C19orf33: variants seen among roughly 807,000 people sequenced by gnomAD.
C19orf33 encodes chromosome 19 open reading frame 33.
Under a neutral mutation model 9.7 loss-of-function variants are expected in C19orf33, and 9 were observed. The observed-to-expected ratio is 0.93, with a 90% CI of 0.56 to 1.61. The LOEUF is 1.61. Ranked by LOEUF, C19orf33 falls within the 40% of genes most tolerant of loss-of-function variation. The pLI is 0.00. For missense variants in C19orf33, 145 were observed against 137.9 expected (o/e 1.05, Z -0.26); for synonymous variants, 61 against 54.8 (o/e 1.11, Z -0.50).
In C19orf33 at chr19:38,304,665, C is replaced by A; in HGVS notation, c.180C>A (p.Ser60Arg). Residue 60 changes from serine to arginine, a missense_variant, in exon 3 of 4, where the codon AGC (serine) becomes AGA (arginine). Ser to Arg is a moderately radical substitution (Grantham distance 110, BLOSUM62 -1). Transcript: ENST00000301246. ...CTTCCGACTCCAGCAGCAGCTCCAG[C>A]GATTCGGACACGGATGTGAAGGTAA... The part of the protein sequence containing the change: ...HSSSDSSSSS[S>R]DSDTDVKSHA... The A allele has an allele frequency of 6.2e-7, 1 of 1,613,674 alleles. No individual in the cohort carries two copies.
At chr19:38,304,548 C>A in intron 2 of C19orf33, 58 bp downstream of exon 2, 2 of 1,592,956 alleles carry the variant, frequency 1.3e-6, no homozygotes, top group Non-Finnish European at 1.7e-6. Context: ...GCCCCTGACC[C>A]CAGGGTCCTG....
Position 38,304,386 on chromosome 19 carries a change from A to G in C19orf33, c.34A>G (p.Thr12Ala), listed in dbSNP as rs1259333355. The G allele has an allele frequency of 1.3e-6, 2 of 1,580,214 alleles. No individual in the cohort carries two copies. Among genetic ancestry groups the G allele is most frequent in the Admixed American group, 1.9e-5 (1 of 53,348 alleles). The change falls in exon 2 of 4, where the codon ACC (threonine) becomes GCC (alanine). Residue 12 changes from threonine to alanine, a missense_variant. Physicochemically the swap from Thr to Ala is moderately conservative, Grantham distance 58 (BLOSUM62 0). Transcript: ENST00000301246. Reference protein sequence around the residue: ...EFDLGAALEPTSQKPGVGAGH... With the variant: ...EFDLGAALEPASQKPGVGAGH... Reference sequence around the variant, plus strand: ...ACTTCTCTCCACAGCCCTGGAGCCCACCTCCCAGAAGCCCGGTGTGGGGGC... The same window carrying G: ...ACTTCTCTCCACAGCCCTGGAGCCCGCCTCCCAGAAGCCCGGTGTGGGGGC...
At chr19:38,304,585 G>A in intron 2 of C19orf33, 39 bp from the exon 3 acceptor site, 1 of 1,612,034 alleles carries the variant, frequency 6.2e-7, no homozygotes, top group East Asian at 2.2e-5. Flanking sequence ...TCAGGGGGCT[G>A]GGTAAGGGGC....
intron 3 of C19orf33, 51 bp from the exon 4 acceptor site, chr19:38,304,794 T>G: frequency 1.2e-6 from 2 of 1,613,112 alleles, no homozygotes; most frequent in Non-Finnish European, 1.7e-6. Flanking sequence ...CCTGTCTCGC[T>G]TCCAGCCCAG....
At chr19:38,304,353 A>G in intron 1 of C19orf33, 22 bp from the exon 2 acceptor site, 1 of 1,606,484 alleles carries the variant, frequency 6.2e-7, no homozygotes, top group Non-Finnish European at 8.5e-7. Context: ...GCCTGCACCA[A>G]CCACCCAACT....
Position 38,304,676 on chromosome 19 carries a change from CG to C in C19orf33, c.193del (p.Asp65MetfsTer2), listed in dbSNP as rs758405299. On this transcript the variant is annotated frameshift_variant, in exon 3 of 4. Coordinates refer to ENST00000301246, the MANE Select transcript of C19orf33 (RefSeq NM_033520.3). LOFTEE classifies it low-confidence loss of function (END_TRUNC). The stretch of plus-strand genomic sequence containing the variant: ...AGCAGCAGCTCCAGCGATTCGGACA[CG>C]GATGTGAAGGTAAGGGGCTCTCGCC... ...DSSSSSSDSD[T>X]DVKSHAAGSK... 4 of 1,613,662 alleles carry C rather than the reference CG, an allele frequency of 2.5e-6. No individual in the cohort carries two copies. The East Asian group carries it at 8.9e-5, about 36-fold the overall frequency.
In C19orf33 at chr19:38,304,466, G is replaced by C. The variant is rs375165148; in HGVS notation, c.114G>C (p.Glu38Asp). The C allele has an allele frequency of 3.1e-5, 48 of 1,555,580 alleles. No homozygotes were observed. The highest frequency in any genetic ancestry group is 3.4e-5 in the Non-Finnish European group (39 of 1,150,106). Residue 38 changes from glutamate to aspartate, a missense_variant, in exon 2 of 4, where the codon GAG (glutamate) becomes GAC (aspartate). Glu to Asp is a conservative substitution (Grantham distance 45). Transcript: ENST00000301246. ...CCCACAAAGTTCAGGGCCGGTCGGA[G>C]GCAGGGGCAGGTCCGGGTCCAAAGG... The part of the protein sequence containing the change: ...LSPHKVQGRS[E>D]AGAGPGPKQG...
chr19:38,304,919 G>A lies in C19orf33; in HGVS notation c.276G>A (p.Glu92=). 1.9e-6 allele frequency: 3 copies of A among 1,612,386 alleles called. No homozygotes were observed. The South Asian group carries it at 3.3e-5, about 18-fold the overall frequency. ...KAKKPKVKKK[E]KGKKEKGKKK... is the part of the protein sequence containing the mutation. ...AGAAGCCCAAAGTGAAGAAGAAGGA[G>A]AAGGGCAAGAAGGAGAAGGGCAAGA... The change falls in exon 4 of 4, where the codon GAG becomes GAA. Residue 92 remains glutamate, a synonymous_variant. Transcript: ENST00000301246.
At chr19:38,304,578 G>T in intron 2 of C19orf33, 46 bp from the exon 3 acceptor site, 1 of 1,611,088 alleles carries the variant, frequency 6.2e-7, no homozygotes, top group Non-Finnish European at 8.5e-7. Flanking sequence ...TCCAACTTCA[G>T]GGGGCTGGGT....
At position 38,304,645 on chromosome 19, in the gene C19orf33, G is replaced by A; in HGVS notation, c.160G>A (p.Asp54Asn). ...GPKQGHHSSSDSSSSSSDSDT... is the reference protein window; with the variant it reads ...GPKQGHHSSSNSSSSSSDSDT... ...CCAGCAAGGACACCACAGCTCTTCC[G>A]ACTCCAGCAGCAGCTCCAGCGATTC... Residue 54 changes from aspartate to asparagine, a missense_variant, in exon 3 of 4, where the codon GAC becomes AAC. Coordinates refer to ENST00000301246, the MANE Select transcript of C19orf33 (RefSeq NM_033520.3). 3.7e-6 allele frequency: 6 copies of A among 1,613,558 alleles called. No homozygotes were observed. Among genetic ancestry groups the A allele is most frequent in the East Asian group, 2.2e-5 (1 of 44,852 alleles).
chr19:38,304,854 GC>G lies in C19orf33; in HGVS notation c.212del (p.Ala71ValfsTer18). On this transcript the variant is annotated frameshift_variant, in exon 4 of 4. Transcript: ENST00000301246. LOFTEE classifies it low-confidence loss of function (END_TRUNC). ...GCCCTCGGCCCCACAGTCCCACGCT[GC>G]TGGCTCCAAGCAGCACGAGAGCATC... ...DSDTDVKSHA[A>X]GSKQHESIPG... 1 of 1,613,758 alleles carries G rather than the reference GC, an allele frequency of 6.2e-7. No individual in the cohort carries two copies. Among genetic ancestry groups the G allele is most frequent in the Non-Finnish European group, 8.5e-7 (1 of 1,179,978 alleles).
intron 2 of C19orf33, 31 bp downstream of exon 2, chr19:38,304,521 G>T (rs1351078165): frequency 6.4e-7 from 1 of 1,567,402 alleles, no homozygotes; most frequent in East Asian, 2.4e-5. Context: ...CTGCGGAGGG[G>T]CGGGAAGGCT....
intron 3 of C19orf33, 59 bp from the exon 4 acceptor site, chr19:38,304,785 CT>C: frequency 6.2e-7 from 1 of 1,612,494 alleles, no homozygotes; most frequent in Admixed American, 1.7e-5. Flanking sequence ...AGTGGTCCCC[CT>C]GTCTCGCTTC....
In C19orf33 at chr19:38,304,608, C is replaced by T. The variant is rs537637596; in HGVS notation, c.139-16C>T. ...CTGGGTAAGGGGCGCCGCCTCACTG[C>T]CGCACCTCCATCCAGCAAGGACACC... On this transcript the variant is annotated splice_polypyrimidine_tract_variant and intron_variant, in intron 2 of 3. Coordinates refer to ENST00000301246, the MANE Select transcript of C19orf33 (RefSeq NM_033520.3). 42 of 1,613,288 alleles carry T rather than the reference C, an allele frequency of 2.6e-5. No homozygotes were observed. In the South Asian group the frequency reaches 4.5e-4, roughly 17 times the overall value.
Position 38,304,881 on chromosome 19 carries a change from C to T in C19orf33, c.238C>T (p.Pro80Ser), listed in dbSNP as rs780664241. 2.5e-6 allele frequency: 4 copies of T among 1,613,256 alleles called. No individual in the cohort carries two copies. In the African/African-American group the frequency reaches 4.0e-5, roughly 16 times the overall value. The change falls in exon 4 of 4, where the codon CCG becomes TCG. Residue 80 changes from proline to serine, a missense_variant. Transcript: ENST00000301246. ...AAGSKQHESI[P>S]GKAKKPKVKK... ...TGGCTCCAAGCAGCACGAGAGCATC[C>T]CGGGCAAGGCCAAGAAGCCCAAAGT...
At position 38,304,693 on chromosome 19, in the gene C19orf33, G is replaced by A. The variant is rs771391100; in HGVS notation, c.201+7G>A. On this transcript the variant is annotated splice_region_variant and intron_variant, in intron 3 of 3. Coordinates refer to ENST00000301246, the MANE Select transcript of C19orf33 (RefSeq NM_033520.3). ...TTCGGACACGGATGTGAAGGTAAGG[G>A]GCTCTCGCCAGCGTCCCCAAGCACG... is the stretch of plus-strand genomic sequence containing the variant. The A allele has an allele frequency of 2.5e-5, 40 of 1,613,566 alleles. No individual in the cohort carries two copies. Among genetic ancestry groups the A allele is most frequent in the Admixed American group, 3.3e-5 (2 of 59,996 alleles).
chr19:38,304,677 G>C lies in C19orf33; in HGVS notation c.192G>C (p.Thr64=). 2 of 1,613,646 alleles carry C rather than the reference G, an allele frequency of 1.2e-6. No individual in the cohort carries two copies. Among genetic ancestry groups the C allele is most frequent in the Non-Finnish European group, 1.7e-6 (2 of 1,179,974 alleles). ...GCAGCAGCTCCAGCGATTCGGACAC[G>C]GATGTGAAGGTAAGGGGCTCTCGCC... ...DSSSSSSDSD[T]DVKSHAAGSK... Residue 64 remains threonine (T), a synonymous_variant, in exon 3 of 4, where the codon ACG becomes ACC. Coordinates refer to ENST00000301246, the MANE Select transcript of C19orf33 (RefSeq NM_033520.3).
At position 38,304,981 on chromosome 19, in the gene C19orf33, C is replaced by A. The variant is rs370764536; in HGVS notation, c.*17C>A. 1 of 1,582,526 alleles carries A rather than the reference C, an allele frequency of 6.3e-7. No individual in the cohort carries two copies. Among genetic ancestry groups the A allele is most frequent in the Non-Finnish European group, 8.6e-7 (1 of 1,164,998 alleles). ...CCCCACTGAAGGGCCCTGGACAGGG[C>A]TCATTAAACCTTCCTCTCTGCCTTC... On this transcript the variant is annotated 3_prime_UTR_variant, in exon 4 of 4. Coordinates refer to ENST00000301246, the MANE Select transcript of C19orf33 (RefSeq NM_033520.3).
In C19orf33 at chr19:38,304,828, T is replaced by A; in HGVS notation, c.202-17T>A. On this transcript the variant is annotated splice_polypyrimidine_tract_variant and intron_variant, in intron 3 of 3. Transcript: ENST00000301246. ...AGAACCATCTCTTCTCTCCCATCCC[T>A]GCCCTCGGCCCCACAGTCCCACGCT... 1 of 1,613,622 alleles carries A rather than the reference T, an allele frequency of 6.2e-7. No individual in the cohort carries two copies. The highest frequency in any genetic ancestry group is 8.5e-7 in the Non-Finnish European group (1 of 1,179,972).
Sources: allele counts gnomAD v4.1 joint callset, GRCh38; gene constraint gnomAD v4.1.1; transcripts MANE v1.5; gene names NCBI Gene and HGNC (gene_info 2026-07-23, HGNC 2026-07-21).